Variants in TRPM1 observed in about 807,000 individuals in gnomAD.
TRPM1 encodes transient receptor potential cation channel subfamily M member 1, also known as TRPM1-203 APA Isoform, Intron 10.
Under a neutral mutation model 149.4 loss-of-function variants are expected in TRPM1, and 113 were observed. The ratio of observed to expected loss-of-function variants is 0.76; its 90% CI spans 0.65 to 0.88. TRPM1 has a LOEUF of 0.88. Ranked by LOEUF, TRPM1 falls within the 40% of genes least tolerant of loss-of-function variation. The probability of loss-of-function intolerance (pLI) is 0.00; values close to 1 mark genes in which losing one functional copy is unlikely to be tolerated. For synonymous variants in TRPM1, 741 were observed against 759.5 expected (o/e 0.98, Z 0.40); for missense variants, 1,976 against 2,038.7 (o/e 0.97, Z 0.59).
At chr15:31,008,983 A>G (rs2032090071) in intron 27 of TRPM1, among the ~76,000 whole-genome samples, 3 of 152,174 alleles carry the variant, frequency 2.0e-5, no homozygotes, top group Non-Finnish European at 2.9e-5. Context: ...ATGTTTATCA[A>G]CATATTTATT....
At chr15:31,072,773 A>T (rs1488538415) in intron 3 of TRPM1, among the ~76,000 whole-genome samples, 4 of 152,166 alleles carry the variant, frequency 2.6e-5, no homozygotes, top group Non-Finnish European at 4.4e-5. Context: ...AAGAATAAGG[A>T]CATTGAGCAT....
chr15:31,046,996 G>T, intron 15 of TRPM1, 115 bp downstream of exon 15: 1 of 1,432,256 alleles, frequency 7.0e-7, no homozygotes. Flanking sequence ...CAGGACAGCT[G>T]TGCTGGGGAC....
At chr15:31,044,881 A>C (rs536650905) in intron 16 of TRPM1, among the ~76,000 whole-genome samples, 48 of 152,218 alleles carry the variant, frequency 3.2e-4, no homozygotes, top group Admixed American at 3.0e-3. Context: ...AGTTTATTCC[A>C]GGGAACTTGA....
At chr15:31,136,614 A>C (rs1303957083) in intron 1 of TRPM1, among the ~76,000 whole-genome samples, 1 of 152,210 alleles carries the variant, frequency 6.6e-6, no homozygotes, top group Non-Finnish European at 1.5e-5. Context: ...CAGCATGATA[A>C]TAAAGTTCCC....
intron 1 of TRPM1, among the ~76,000 whole-genome samples, chr15:31,110,603 G>C (rs946631991): frequency 3.3e-5 from 5 of 152,136 alleles, no homozygotes; most frequent in African/African-American, 9.7e-5. Flanking sequence ...AGGCCGCCCA[G>C]CCTCGTCAAC....
chr15:31,153,870 G>T (rs1012008618), intron 1 of TRPM1, among the ~76,000 whole-genome samples: 3 of 152,126 alleles, frequency 2.0e-5, no homozygotes, highest in Non-Finnish European at 2.9e-5. Context: ...GGTTCACAAG[G>T]TCCCTTGGAC....
intron 27 of TRPM1, among the ~76,000 whole-genome samples, chr15:31,010,109 C>G (rs1374836537): frequency 6.6e-6 from 1 of 152,114 alleles, no homozygotes; most frequent in Non-Finnish European, 1.5e-5. Context: ...GGATTGTAGC[C>G]TGACATTTTG....
At chr15:31,090,274 G>A (rs887320438) in intron 1 of TRPM1, among the ~76,000 whole-genome samples, 1 of 152,108 alleles carries the variant, frequency 6.6e-6, no homozygotes, top group Admixed American at 6.5e-5. Flanking sequence ...GCTGCATGGT[G>A]TTCTCCGGTG....
In TRPM1 at chr15:31,067,969, G is replaced by C; in HGVS notation, c.403C>G (p.Gln135Glu). 1 of 1,614,152 alleles carries C rather than the reference G, an allele frequency of 6.2e-7. No homozygotes were observed. The highest frequency in any genetic ancestry group is 8.5e-7 in the Non-Finnish European group (1 of 1,180,036). The change falls in exon 5 of 28, where the codon CAG (glutamine) becomes GAG (glutamate). Residue 135 changes from glutamine (Q) to glutamate (E), a missense_variant. Gln to Glu is a conservative substitution (Grantham distance 29). Transcript: ENST00000256552. ...VHGGLQNFEM[Q>E]PKLKQVFGKG... ...CCAAAGACTTGTTTCAGCTTGGGCT[G>C]CATCTCAAAGTTCTGGAGGCCTCCA... is the stretch of plus-strand genomic sequence containing the variant.
At position 31,021,985 on chromosome 15, in the gene TRPM1, A is replaced by G. The variant is rs889855210; in HGVS notation, c.3629+4154T>C. Among the ~76,000 whole-genome samples, 7 of 152,336 alleles carry G rather than the reference A, an allele frequency of 4.6e-5. No individual in the cohort carries two copies. The East Asian group carries it at 1.3e-3, about 29-fold the overall frequency. On this transcript the variant is annotated intron_variant, in intron 27 of 27. Transcript: ENST00000256552. The stretch of plus-strand genomic sequence containing the variant: ...AGAGGCAACGTACCCCACATATTTC[A>G]AAATCCTATAGTAATATATTTGATA...
At chr15:31,115,100 C>CA (rs1225890653) in intron 1 of TRPM1, among the ~76,000 whole-genome samples, 1 of 151,990 alleles carries the variant, frequency 6.6e-6, no homozygotes, top group African/African-American at 2.4e-5. Flanking sequence ...ACTAAAAATA[C>CA]AAAAAACATT....
chr15:31,054,455 C>T (rs568876360), intron 11 of TRPM1, among the ~76,000 whole-genome samples: 444 of 152,032 alleles, frequency 2.9e-3, no homozygotes, highest in African/African-American at 8.4e-3. Context: ...ACATCACACC[C>T]GGGTAATTTT....
rs1044526881 is a variant in TRPM1, at chr15:31,001,944, G to A, written c.4756C>T (p.Gln1586Ter). 1 of 1,614,086 alleles carries A rather than the reference G, an allele frequency of 6.2e-7. No homozygotes were observed. The highest frequency in any genetic ancestry group is 8.5e-7 in the Non-Finnish European group (1 of 1,180,022). ...TGTCCAGATCTGTCTAACTTTCCCT[G>A]AATGGATTTCACATTCCTAGGATGT... ...HGHPRNVKSI[Q>*]GKLDRSGHAS... The change falls in exon 28 of 28, where the codon CAG (glutamine) becomes TAG (stop). Residue 1586 changes from glutamine (Q) to a stop codon, truncating the protein, a stop_gained. Coordinates refer to ENST00000256552, the MANE Select transcript of TRPM1 (RefSeq NM_001252024.2). LOFTEE classifies it low-confidence loss of function (END_TRUNC).
chr15:31,157,960 C>T (rs77444683), intron 1 of TRPM1, among the ~76,000 whole-genome samples: 25 of 152,034 alleles, frequency 1.6e-4, no homozygotes, highest in Admixed American at 1.3e-3. Flanking sequence ...AACCGGGAAC[C>T]GACACTGAGC....
intron 3 of TRPM1, among the ~76,000 whole-genome samples, chr15:31,076,131 G>A (rs1303219953): frequency 1.3e-5 from 2 of 151,978 alleles, no homozygotes; most frequent in Non-Finnish European, 2.9e-5. Flanking sequence ...TTACCTCGGG[G>A]GGCAATCACT....
chr15:31,129,212 A>G lies in TRPM1; in HGVS notation c.54+31694T>C, dbSNP rs185094698. Among the ~76,000 whole-genome samples the G allele has an allele frequency of 4.7e-3, 717 of 152,290 alleles. 2 individuals carry two copies. Among genetic ancestry groups the G allele is most frequent in the Non-Finnish European group, 7.6e-3 (518 of 68,012 alleles). The stretch of plus-strand genomic sequence containing the variant: ...AGCTGGGCAGGTCCCTTGTCCTGGA[A>G]GCTCGGTCTTGAAGGTTGGCAGGAC... On this transcript the variant is annotated intron_variant, in intron 1 of 26. Coordinates refer to the TRPM1 transcript ENST00000542188.
chr15:31,123,525 G>T (rs2035906217), intron 1 of TRPM1, among the ~76,000 whole-genome samples: 2 of 152,098 alleles, frequency 1.3e-5, no homozygotes. Context: ...AAAAGATTTG[G>T]ACACCTCACC....
upstream of TRPM1, chr15:31,101,791 G>C: frequency 1.1e-6 from 1 of 913,550 alleles, no homozygotes; most frequent in South Asian, 5.1e-5. Context: ...GAGCACTTGG[G>C]CCTGGGCCCT....
chr15:31,110,102 T>C (rs1490921661), intron 1 of TRPM1, among the ~76,000 whole-genome samples: 1 of 152,234 alleles, frequency 6.6e-6, no homozygotes, highest in East Asian at 1.9e-4. Flanking sequence ...GGGCTTCCAC[T>C]TTGCATACTG....
Sources: gnomAD v4.1 joint callset for allele counts (sites outside exome capture counted in the v4.1 genomes callset) on GRCh38, gnomAD v4.1.1 for gene constraint, MANE v1.5 for transcripts, NCBI Gene and HGNC (gene_info 2026-07-23, HGNC 2026-07-21) for gene names.